ANTXR2: variants seen among roughly 807,000 people sequenced by gnomAD.
ANTXR2 encodes the protein ANTXR cell adhesion molecule 2, also known as anthrax toxin receptor 2.
Under a neutral mutation model 73.7 loss-of-function variants are expected in ANTXR2, and 44 were observed. The observed-to-expected ratio is 0.60, with a 90% CI of 0.47 to 0.77. The LOEUF (loss-of-function observed/expected upper bound fraction) is 0.77, where lower values mean the gene tolerates loss of function less well. Among genes scored for constraint, ANTXR2 ranks in the 30% least tolerant of loss-of-function variants. The pLI is 0.00. For synonymous variants in ANTXR2, 217 were observed against 205.9 expected (o/e 1.05, Z -0.46); for missense variants, 604 against 592.5 (o/e 1.02, Z -0.20).
chr4:79,983,822 G>T, intron 14 of ANTXR2, 56 bp downstream of exon 14: 1 of 1,316,234 alleles, frequency 7.6e-7, no homozygotes, highest in Non-Finnish European at 1.1e-6. Context: ...TGGCTTAATA[G>T]CCCTAGAAAT....
chr4:80,012,780 T>A (rs145732672), intron 11 of ANTXR2, among the ~76,000 whole-genome samples: 298 of 152,288 alleles, frequency 2.0e-3, no homozygotes, highest in African/African-American at 6.4e-3. Flanking sequence ...TGAAACCACC[T>A]GCTGTTACAC....
At chr4:79,966,102 CAATG>C (rs1332367170) in intron 16 of ANTXR2, among the ~76,000 whole-genome samples, 2 of 144,666 alleles carry the variant, frequency 1.4e-5, no homozygotes, top group Non-Finnish European at 3.0e-5. Context: ...TTTTCTCATT[CAATG>C]AATGATTATG....
intron 12 of ANTXR2, among the ~76,000 whole-genome samples, chr4:79,985,205 C>T (rs902914254): frequency 2.0e-5 from 3 of 151,800 alleles, no homozygotes; most frequent in Non-Finnish European, 2.9e-5. Context: ...AAAAAATTAG[C>T]CGGGCGTGGT....
rs1413801196 is a variant in ANTXR2, at chr4:79,904,588, A to G, written c.*2841T>C. ...AGATAGATAAATATTTATGGATCAA[A>G]TCCATAAAGAACAGACATTGTTATG... On this transcript the variant is annotated 3_prime_UTR_variant, in exon 17 of 17. Transcript: ENST00000403729. 6.6e-6 allele frequency: 1 copy of G among 152,154 alleles called. No homozygotes were observed. The highest frequency in any genetic ancestry group is 1.5e-5 in the Non-Finnish European group (1 of 68,008). The allele number at this position is 152,154 out of a possible 1,614,324, so 9.4% of individuals were successfully genotyped here.
chr4:80,050,555 C>T (rs1733726075), intron 7 of ANTXR2, among the ~76,000 whole-genome samples: 1 of 151,574 alleles, frequency 6.6e-6, no homozygotes, highest in African/African-American at 2.4e-5. Flanking sequence ...CAATTGTTAT[C>T]TCATTTAATT....
At chr4:80,031,995 TA>T (rs1012375366) in intron 9 of ANTXR2, among the ~76,000 whole-genome samples, 3 of 151,738 alleles carry the variant, frequency 2.0e-5, no homozygotes, top group African/African-American at 7.2e-5. Context: ...CTCAGATTTT[TA>T]AAAACAAATG....
intron 11 of ANTXR2, among the ~76,000 whole-genome samples, chr4:80,016,821 A>G (rs1731894394): frequency 6.6e-6 from 1 of 152,186 alleles, no homozygotes. Context: ...TTTATCTCAC[A>G]TCCCACACCT....
chr4:79,984,838 G>C lies in ANTXR2; in HGVS notation c.1067C>G (p.Pro356Arg). The change falls in exon 13 of 17, where the codon CCC becomes CGC. Residue 356 changes from proline (P) to arginine (R), a missense_variant. Physicochemically the swap from Pro to Arg is moderately radical, Grantham distance 103. Transcript: ENST00000403729. ...KVVIKDPPPP[P>R]APAPKEEEEE... The stretch of plus-strand genomic sequence containing the variant: ...ACTTACCTCTTTTGGTGCAGGGGCG[G>C]GTGGTGGTGGAGGATCCTTAATAAC... The C allele has an allele frequency of 6.2e-7, 1 of 1,605,972 alleles. No homozygotes were observed. The highest frequency in any genetic ancestry group is 8.5e-7 in the Non-Finnish European group (1 of 1,175,314).
chr4:79,909,613 A>G (rs1354576555), intron 16 of ANTXR2, among the ~76,000 whole-genome samples: 1 of 151,956 alleles, frequency 6.6e-6, no homozygotes, highest in Non-Finnish European at 1.5e-5. Context: ...AGTATCAATT[A>G]TCAGCTGCCA....
chr4:80,030,097 G>A (rs1447968046), intron 10 of ANTXR2, among the ~76,000 whole-genome samples: 1 of 151,962 alleles, frequency 6.6e-6, no homozygotes, highest in Non-Finnish European at 1.5e-5. Context: ...GCAAGAGATG[G>A]CAGTAACTTG....
At chr4:80,012,881 G>A (rs1731661448) in intron 11 of ANTXR2, among the ~76,000 whole-genome samples, 1 of 152,140 alleles carries the variant, frequency 6.6e-6, no homozygotes, top group African/African-American at 2.4e-5. Context: ...GAATGTTGGA[G>A]GTATCTTCCT....
In ANTXR2 at chr4:79,994,156, C is replaced by G. The variant is rs80289427; in HGVS notation, c.1042-9293G>C. Among the ~76,000 whole-genome samples the G allele has an allele frequency of 1.5e-3, 222 of 152,034 alleles. 4 individuals carry two copies. In the East Asian group the frequency reaches 0.04, roughly 27 times the overall value. ...ACCATAGCCTTTTTTGCATCAATGA[C>G]TTAATACTCTACTTGTTGTTAAATT... On this transcript the variant is annotated intron_variant, in intron 12 of 16. Transcript: ENST00000403729.
chr4:79,910,304 A>G (rs1237075503), intron 16 of ANTXR2, among the ~76,000 whole-genome samples: 1 of 152,012 alleles, frequency 6.6e-6, no homozygotes, highest in African/African-American at 2.4e-5. Flanking sequence ...AGGTCAAGAG[A>G]TCAAGACCAT....
intron 16 of ANTXR2, among the ~76,000 whole-genome samples, chr4:79,927,299 C>T (rs967874327): frequency 1.1e-4 from 17 of 151,820 alleles, no homozygotes; most frequent in Non-Finnish European, 2.1e-4. Context: ...TCTTACCACA[C>T]ACACACACAC....
In ANTXR2 at chr4:79,906,704, T is replaced by G. The variant is rs925562029; in HGVS notation, c.*725A>C. On this transcript the variant is annotated 3_prime_UTR_variant, in exon 17 of 17. Transcript: ENST00000403729. ...CTAGAGGCCTTCTGTGGAATAACGC[T>G]CTATTAATTTTCTTGTCCCGAGTGC... The G allele has an allele frequency of 6.6e-6, 1 of 152,652 alleles. No homozygotes were observed. Among genetic ancestry groups the G allele is most frequent in the Admixed American group, 6.6e-5 (1 of 15,260 alleles). 9.5% of individuals were successfully genotyped at this position (152,652 alleles called of 1,614,324 possible). A position where few individuals can be genotyped will look rare whatever the true frequency, so the allele number is the denominator to read the frequency against.
At chr4:80,068,315 C>G (rs1364212686) in intron 3 of ANTXR2, among the ~76,000 whole-genome samples, 2 of 152,192 alleles carry the variant, frequency 1.3e-5, no homozygotes, top group African/African-American at 4.8e-5. Context: ...GCTGAAACTA[C>G]AGTTCAGAAA....
In ANTXR2 at chr4:80,012,307, A is replaced by T. The variant is rs1267757354; in HGVS notation, c.946-3691T>A. 3.9e-5 allele frequency among the ~76,000 whole-genome samples: 6 copies of T among 152,114 alleles called. No individual in the cohort carries two copies. In the East Asian group the frequency reaches 1.2e-3, roughly 30 times the overall value. On this transcript the variant is annotated intron_variant, in intron 11 of 16. Transcript: ENST00000403729. ...TATGGTACAAGAGTCAAATCCAGCC[A>T]ATCTATTTGGTAAGACCCCAGCAAG... is the stretch of plus-strand genomic sequence containing the variant.
intron 16 of ANTXR2, among the ~76,000 whole-genome samples, chr4:79,920,051 T>C (rs1727534325): frequency 6.6e-6 from 1 of 151,584 alleles, no homozygotes; most frequent in South Asian, 2.1e-4. Flanking sequence ...GTGGGAATTA[T>C]AAATATACTA....
Position 80,072,729 on chromosome 4 carries a change from A to T in ANTXR2, c.-169T>A. ...CCCACCAGCTGACAGGGAGGGAGAG[A>T]GGGAGGTCCTGAGAGGACAAAGGGA... On this transcript the variant is annotated 5_prime_UTR_variant, in exon 1 of 17. Coordinates refer to ENST00000403729, the MANE Select transcript of ANTXR2 (RefSeq NM_058172.6). 3.7e-6 allele frequency: 5 copies of T among 1,345,616 alleles called. No homozygotes were observed. Among genetic ancestry groups the T allele is most frequent in the Non-Finnish European group, 4.7e-6 (5 of 1,053,838 alleles). 83.4% of individuals were successfully genotyped at this position (1,345,616 alleles called of 1,614,324 possible).
Sources: gnomAD v4.1 joint callset for allele counts (sites outside exome capture counted in the v4.1 genomes callset) on GRCh38, gnomAD v4.1.1 for gene constraint, MANE v1.5 for transcripts, NCBI Gene and HGNC (gene_info 2026-07-23, HGNC 2026-07-21) for gene names.